Variants in OPCML observed in about 807,000 individuals in gnomAD.
The protein encoded by OPCML is opioid binding protein/cell adhesion molecule like, also known as opioid-binding protein/cell adhesion molecule.
OPCML carries 13 observed loss-of-function variants against 37.8 expected under a neutral mutation model. The observed-to-expected ratio is 0.34, with a 90% CI of 0.22 to 0.55. OPCML has a LOEUF of 0.55. Ranked by LOEUF, OPCML falls within the 20% of genes least tolerant of loss-of-function variation. OPCML has a pLI of 0.91. For missense variants in OPCML, 341 were observed against 435.6 expected (o/e 0.78, Z 1.93); for synonymous variants, 176 against 168.8 (o/e 1.04, Z -0.33).
chr11:132,963,427 T>C (rs540391580), intron 1 of OPCML, among the ~76,000 whole-genome samples: 6 of 151,872 alleles, frequency 4.0e-5, no homozygotes, highest in African/African-American at 1.4e-4. Flanking sequence ...CCGTCTCGAC[T>C]AAAAAATACA....
chr11:132,858,753 A>G (rs1209553266), intron 2 of OPCML, among the ~76,000 whole-genome samples: 1 of 152,230 alleles, frequency 6.6e-6, no homozygotes, highest in African/African-American at 2.4e-5. Flanking sequence ...TTTTAAATAT[A>G]AAACTCTATC....
chr11:133,209,682 C>T (rs1939269548), intron 1 of OPCML, among the ~76,000 whole-genome samples: 1 of 152,140 alleles, frequency 6.6e-6, no homozygotes, highest in Non-Finnish European at 1.5e-5. Context: ...TACGAGTAGA[C>T]TTCTATGAAT....
At position 132,902,390 on chromosome 11, in the gene OPCML, C is replaced by T. The variant is rs997828957; in HGVS notation, c.146+40536G>A. Among the ~76,000 whole-genome samples the T allele has an allele frequency of 2.6e-5, 4 of 152,244 alleles. No individual in the cohort carries two copies. The East Asian group carries it at 5.8e-4, about 22-fold the overall frequency. On this transcript the variant is annotated intron_variant, in intron 2 of 7. Transcript: ENST00000524381. The stretch of plus-strand genomic sequence containing the variant: ...TCTGTGAGTAAGACACCCTGTGTGA[C>T]GTGCTCAGCATAGTGTCTGGCACAT...
chr11:132,818,241 C>T (rs752180230), intron 2 of OPCML, among the ~76,000 whole-genome samples: 3 of 152,220 alleles, frequency 2.0e-5, no homozygotes, highest in Admixed American at 6.5e-5. Context: ...ATTTTCCATC[C>T]TTTCATTTAC....
At chr11:132,600,471 T>G (rs917702326) in intron 3 of OPCML, among the ~76,000 whole-genome samples, 1 of 152,224 alleles carries the variant, frequency 6.6e-6, no homozygotes, top group Admixed American at 6.5e-5. Flanking sequence ...GTGGCTGTAG[T>G]TTATTTTGTA....
intron 2 of OPCML, among the ~76,000 whole-genome samples, chr11:132,721,189 C>T (rs1267681165): frequency 2.0e-5 from 3 of 152,082 alleles, no homozygotes; most frequent in Non-Finnish European, 4.4e-5. Context: ...CGAACTTTGT[C>T]CAAGCCAACT....
At chr11:132,477,163 G>A (rs567885919) in intron 4 of OPCML, among the ~76,000 whole-genome samples, 88 of 152,280 alleles carry the variant, frequency 5.8e-4, no homozygotes, top group East Asian at 2.1e-3. Flanking sequence ...TTTCAAATGA[G>A]GACTCAGAGC....
chr11:133,290,280 G>T (rs1942441061), intron 1 of OPCML, among the ~76,000 whole-genome samples: 1 of 152,186 alleles, frequency 6.6e-6, no homozygotes, highest in South Asian at 2.1e-4. Flanking sequence ...AGTTGCCATA[G>T]TTTCGTTCAA....
At chr11:132,508,045 T>G (rs1389607540) in intron 4 of OPCML, among the ~76,000 whole-genome samples, 1 of 152,184 alleles carries the variant, frequency 6.6e-6, no homozygotes, top group Non-Finnish European at 1.5e-5. Flanking sequence ...AAAGGAGCTC[T>G]CTGAAACCAT....
At chr11:132,515,544 A>G (rs7124348) in intron 4 of OPCML, among the ~76,000 whole-genome samples, 35,075 of 152,102 alleles carry the variant, frequency 0.23, 4,057 homozygotes, top group African/African-American at 0.24. Context: ...AACTGCTTTT[A>G]CTTCATGAGA....
chr11:132,935,758 TG>T (rs1388058200), intron 2 of OPCML, among the ~76,000 whole-genome samples: 1 of 152,176 alleles, frequency 6.6e-6, no homozygotes, highest in Non-Finnish European at 1.5e-5. Flanking sequence ...AATACAAGGA[TG>T]GGAGGGAGGA....
chr11:132,422,566 G>A (rs1031748019), intron 7 of OPCML, among the ~76,000 whole-genome samples: 1 of 152,106 alleles, frequency 6.6e-6, no homozygotes, highest in Non-Finnish European at 1.5e-5. Context: ...GACAACACAC[G>A]TTCACACCGT....
intron 1 of OPCML, among the ~76,000 whole-genome samples, chr11:132,959,182 G>A (rs1334645424): frequency 6.6e-6 from 1 of 152,214 alleles, no homozygotes. Context: ...CCTCATGGAT[G>A]ACTTTGAGGG....
intron 2 of OPCML, among the ~76,000 whole-genome samples, chr11:132,705,520 G>A (rs1943997909): frequency 6.6e-6 from 1 of 152,106 alleles, no homozygotes; most frequent in Non-Finnish European, 1.5e-5. Flanking sequence ...TTGAGCCCAG[G>A]AGGCAGAGGG....
intron 1 of OPCML, among the ~76,000 whole-genome samples, chr11:133,207,306 A>C (rs1223479485): frequency 2.6e-5 from 4 of 152,004 alleles, no homozygotes; most frequent in Admixed American, 2.6e-4. Context: ...TCTCAAAAAC[A>C]AAAAACAAAC....
intron 2 of OPCML, among the ~76,000 whole-genome samples, chr11:132,932,313 C>T (rs759734356): frequency 1.1e-4 from 16 of 152,006 alleles, no homozygotes; most frequent in Admixed American, 5.9e-4. Context: ...ATACATTCTA[C>T]GTATTTTTAC....
rs549681035 is a variant in OPCML, at chr11:132,770,215, C to T, written c.147-112896G>A. 2.8e-4 allele frequency among the ~76,000 whole-genome samples: 42 copies of T among 152,206 alleles called. 2 individuals are homozygous for T. Among genetic ancestry groups the T allele is most frequent in the South Asian group, 8.3e-4 (4 of 4,810 alleles). On this transcript the variant is annotated intron_variant, in intron 2 of 7. Transcript: ENST00000524381. ...CACTTGTCTTAAATGCTGGGGATAC[C>T]GCACTACCAAACAGACACGAATTCC...
chr11:132,512,208 A>G (rs1232990412), intron 4 of OPCML, among the ~76,000 whole-genome samples: 1 of 152,142 alleles, frequency 6.6e-6, no homozygotes, highest in Non-Finnish European at 1.5e-5. Flanking sequence ...TTTCAAAGAC[A>G]GGATACTATA....
chr11:132,707,473 T>C (rs777075599), intron 2 of OPCML, among the ~76,000 whole-genome samples: 1 of 152,308 alleles, frequency 6.6e-6, no homozygotes, highest in Non-Finnish European at 1.5e-5. Context: ...ATGGAACATA[T>C]TTCAGTTATA....
Sources: gnomAD v4.1 joint callset for allele counts (sites outside exome capture counted in the v4.1 genomes callset) on GRCh38, gnomAD v4.1.1 for gene constraint, MANE v1.5 for transcripts, NCBI Gene and HGNC (gene_info 2026-07-23, HGNC 2026-07-21) for gene names.